ME1: variants seen among roughly 807,000 people sequenced by gnomAD.
The protein encoded by ME1 is malic enzyme 1.
ME1 carries 74 observed loss-of-function variants against 66.4 expected under a neutral mutation model. The observed-to-expected ratio is 1.11, with a 90% CI of 0.92 to 1.35. The LOEUF (loss-of-function observed/expected upper bound fraction) is 1.35, where lower values mean the gene tolerates loss of function less well. Among genes scored for constraint, ME1 ranks in the 40% most tolerant of loss-of-function variants. ME1 has a pLI of 0.00. For missense variants in ME1, 750 were observed against 694.1 expected (o/e 1.08, Z -0.90); for synonymous variants, 251 against 235.6 (o/e 1.07, Z -0.60).
chr6:83,288,186 T>C (rs1316485146), intron 6 of ME1, among the ~76,000 whole-genome samples: 1 of 152,204 alleles, frequency 6.6e-6, no homozygotes, highest in African/African-American at 2.4e-5. Context: ...ATTTTGGCTT[T>C]TGTTACCATT....
chr6:83,384,297 C>T (rs903878976), intron 3 of ME1, among the ~76,000 whole-genome samples: 4 of 150,848 alleles, frequency 2.7e-5, no homozygotes, highest in African/African-American at 7.3e-5. Context: ...CAGCAGTGTA[C>T]GAGCATTTCT....
chr6:83,386,943 A>G (rs958801891), intron 3 of ME1, among the ~76,000 whole-genome samples: 9 of 152,070 alleles, frequency 5.9e-5, no homozygotes, highest in Non-Finnish European at 8.8e-5. Context: ...CCTCCCCAGA[A>G]CTGTGAGAAA....
intron 6 of ME1, among the ~76,000 whole-genome samples, chr6:83,265,295 T>A (rs974156543): frequency 6.6e-6 from 1 of 152,100 alleles, no homozygotes; most frequent in Non-Finnish European, 1.5e-5. Context: ...GAGTTTTATT[T>A]TATTTTATTT....
At chr6:83,238,767 T>G (rs1790457508) in intron 8 of ME1, among the ~76,000 whole-genome samples, 1 of 146,164 alleles carries the variant, frequency 6.8e-6, no homozygotes, top group Admixed American at 7.1e-5. Flanking sequence ...TTCATAATCA[T>G]ATTCAATTTG....
At chr6:83,282,132 T>C (rs894221892) in intron 6 of ME1, among the ~76,000 whole-genome samples, 1 of 152,060 alleles carries the variant, frequency 6.6e-6, no homozygotes, top group Non-Finnish European at 1.5e-5. Flanking sequence ...AGAAAAAAGA[T>C]AAATGTAAAC....
At chr6:83,314,830 C>T (rs180772390) in intron 6 of ME1, among the ~76,000 whole-genome samples, 1 of 152,286 alleles carries the variant, frequency 6.6e-6, no homozygotes, top group African/African-American at 2.4e-5. Context: ...TTGCTCCATT[C>T]TGGACCCCTG....
rs1459059010 is a variant in ME1 at position 83,362,411 on chromosome 6, T to C, written c.363-10272A>G. ...ATTTTAATAATCAAGTGACAGGACA[T>C]GACCCGTTCTGTGGACACCACTCAG... On this transcript the variant is annotated intron_variant, in intron 3 of 13. Coordinates refer to ENST00000369705, the MANE Select transcript of ME1 (RefSeq NM_002395.6). 2.0e-5 allele frequency among the ~76,000 whole-genome samples: 3 copies of C among 152,198 alleles called. No homozygotes were observed. The South Asian group carries it at 6.2e-4, about 32-fold the overall frequency.
At chr6:83,278,348 G>A (rs1488835043) in intron 6 of ME1, among the ~76,000 whole-genome samples, 1 of 152,200 alleles carries the variant, frequency 6.6e-6, no homozygotes, top group Non-Finnish European at 1.5e-5. Flanking sequence ...TTATCTCCAG[G>A]AGCTTCATTA....
intron 6 of ME1, among the ~76,000 whole-genome samples, chr6:83,311,702 G>A (rs1419493642): frequency 2.0e-5 from 3 of 152,088 alleles, no homozygotes; most frequent in African/African-American, 4.8e-5. Flanking sequence ...GGTCAGGAGT[G>A]ACAGAAGAAA....
At chr6:83,310,124 T>C (rs1232855587) in intron 6 of ME1, among the ~76,000 whole-genome samples, 1 of 152,144 alleles carries the variant, frequency 6.6e-6, no homozygotes, top group Non-Finnish European at 1.5e-5. Context: ...CTGAATATCA[T>C]GATATGCCCC....
intron 6 of ME1, among the ~76,000 whole-genome samples, chr6:83,278,358 AG>A (rs1275651746): frequency 6.6e-6 from 1 of 152,212 alleles, no homozygotes; most frequent in Non-Finnish European, 1.5e-5. Context: ...GAGCTTCATT[AG>A]GTTTTGACTG....
At chr6:83,224,395 T>TA (rs1271178507) in intron 11 of ME1, among the ~76,000 whole-genome samples, 3 of 152,046 alleles carry the variant, frequency 2.0e-5, no homozygotes, top group African/African-American at 7.2e-5. Flanking sequence ...TGTAAAGAGT[T>TA]ATGTGGGCTA....
chr6:83,412,456 T>C (rs986802528), intron 1 of ME1, among the ~76,000 whole-genome samples: 1 of 152,140 alleles, frequency 6.6e-6, no homozygotes, highest in Non-Finnish European at 1.5e-5. Flanking sequence ...AAAAAATGTG[T>C]CGGATTAACT....
chr6:83,253,520 T>C (rs1790757447), intron 7 of ME1, 109 bp downstream of exon 7: 1 of 541,544 alleles, frequency 1.8e-6, no homozygotes, highest in Non-Finnish European at 3.3e-6. Context: ...GCATAATTCC[T>C]GGAATTTAAA....
chr6:83,308,286 G>A (rs2128537964), intron 6 of ME1, among the ~76,000 whole-genome samples: 1 of 151,022 alleles, frequency 6.6e-6, no homozygotes, highest in South Asian at 2.1e-4. Flanking sequence ...TTTAAATATA[G>A]TCTTTGTTGA....
In ME1 at chr6:83,253,657, C is replaced by T; in HGVS notation, c.786G>A (p.Gln262=). 1 of 1,609,388 alleles carries T rather than the reference C, an allele frequency of 6.2e-7. No individual in the cohort carries two copies. Among genetic ancestry groups the T allele is most frequent in the Non-Finnish European group, 8.5e-7 (1 of 1,176,322 alleles). ...GAATATCATCATTGAATGTGCAATA[C>T]TGGTTTCGATACTTGTTCAGGAGAC... ...AFRLLNKYRN[Q]YCTFNDDIQG... Residue 262 remains glutamine, a synonymous_variant, in exon 7 of 14, where the codon CAG becomes CAA. Coordinates refer to ENST00000369705, the MANE Select transcript of ME1 (RefSeq NM_002395.6).
At chr6:83,366,820 C>A (rs770837153) in intron 3 of ME1, among the ~76,000 whole-genome samples, 14 of 152,188 alleles carry the variant, frequency 9.2e-5, no homozygotes, top group Non-Finnish European at 1.6e-4. Context: ...GGGATTAAAT[C>A]AACTTCTTCC....
chr6:83,288,954 TG>T (rs1273919930), intron 6 of ME1, among the ~76,000 whole-genome samples: 2 of 152,184 alleles, frequency 1.3e-5, no homozygotes, highest in Admixed American at 6.5e-5. Flanking sequence ...TGTGTTTGTC[TG>T]TTATTGGTGT....
chr6:83,417,601 G>A (rs567047003), intron 1 of ME1, among the ~76,000 whole-genome samples: 96 of 151,250 alleles, frequency 6.3e-4, no homozygotes, highest in African/African-American at 2.2e-3. Flanking sequence ...GGATGGTCTC[G>A]ATCTCTTGAC....
Sources: gnomAD v4.1 joint callset for allele counts (sites outside exome capture counted in the v4.1 genomes callset) on GRCh38, gnomAD v4.1.1 for gene constraint, MANE v1.5 for transcripts, NCBI Gene and HGNC (gene_info 2026-07-23, HGNC 2026-07-21) for gene names.